Variants in PRP4K observed in about 807,000 individuals in gnomAD.
PRP4K encodes the protein pre-mRNA processing factor kinase PRP4K, also known as serine/threonine-protein kinase PRP4 homolog.
chr6:4,054,986 A>G, the PRP4K span, among the ~76,000 whole-genome samples: 3 of 152,376 alleles, frequency 2.0e-5, no homozygotes, highest in Admixed American at 6.5e-5. Context: ...TTTCACATAC[A>G]TTTAAGAAAT....
At chr6:4,045,244 A>C in the PRP4K span, among the ~76,000 whole-genome samples, 1 of 152,200 alleles carries the variant, frequency 6.6e-6, no homozygotes, top group African/African-American at 2.4e-5. Context: ...TTCACTTGCC[A>C]CAAAGTATTC....
the PRP4K span, among the ~76,000 whole-genome samples, chr6:4,021,927 C>T: frequency 6.6e-6 from 1 of 152,180 alleles, no homozygotes; most frequent in African/African-American, 2.4e-5. Context: ...TTACTGGTGT[C>T]AGTTTAGGAC....
chr6:4,039,608 A>G, the PRP4K span, among the ~76,000 whole-genome samples: 1 of 152,154 alleles, frequency 6.6e-6, no homozygotes, highest in South Asian at 2.1e-4. Flanking sequence ...ACCTCACACC[A>G]TCTTGCAGAG....
chr6:4,031,034 T>C, the PRP4K span, among the ~76,000 whole-genome samples: 1 of 152,212 alleles, frequency 6.6e-6, no homozygotes, highest in Non-Finnish European at 1.5e-5. Context: ...AGATGAAATC[T>C]GCTCAAAACA....
chr6:4,021,391 G>GCCGCCA, the PRP4K span: 22 of 1,563,522 alleles, frequency 1.4e-5, no homozygotes, highest in Admixed American at 1.9e-5. Context: ...TCCGGGAGCC[G>GCCGCCA]CCGCCACCGC....
chr6:4,048,995 A>C, the PRP4K span: 2 of 1,589,900 alleles, frequency 1.3e-6, no homozygotes, highest in East Asian at 2.2e-5. Flanking sequence ...TAAACTGTTC[A>C]TGTTGCCTCT....
the PRP4K span, among the ~76,000 whole-genome samples, chr6:4,044,960 C>G: frequency 4.0e-4 from 61 of 151,380 alleles, no homozygotes; most frequent in African/African-American, 1.4e-3. Context: ...CGTCCCAGGT[C>G]CACACCATTC....
the PRP4K span, chr6:4,021,479 T>G: frequency 6.3e-7 from 1 of 1,577,066 alleles, no homozygotes; most frequent in Non-Finnish European, 8.6e-7. Flanking sequence ...AAGTAGTCTC[T>G]GTGAGTGGGC....
chr6:4,025,332 A>G, the PRP4K span, among the ~76,000 whole-genome samples: 1 of 152,220 alleles, frequency 6.6e-6, no homozygotes, highest in Non-Finnish European at 1.5e-5. Context: ...TGATAAAGCT[A>G]ATTTAGCTGT....
the PRP4K span, chr6:4,056,617 C>T: frequency 1.9e-6 from 3 of 1,583,832 alleles, no homozygotes; most frequent in African/African-American, 1.3e-5. Flanking sequence ...GAGTCTTGAT[C>T]ATGTCGGGCA....
the PRP4K span, among the ~76,000 whole-genome samples, chr6:4,050,755 T>C: frequency 6.6e-6 from 1 of 152,184 alleles, no homozygotes; most frequent in Non-Finnish European, 1.5e-5. Flanking sequence ...AAGGACCTTG[T>C]TTTGATGGGA....
the PRP4K span, among the ~76,000 whole-genome samples, chr6:4,037,208 T>C: frequency 6.6e-6 from 1 of 152,248 alleles, no homozygotes; most frequent in African/African-American, 2.4e-5. Flanking sequence ...ATAAGACCTT[T>C]CATTGTTTGC....
chr6:4,024,353 A>G, the PRP4K span, among the ~76,000 whole-genome samples: 21 of 152,270 alleles, frequency 1.4e-4, 1 homozygote, highest in South Asian at 4.1e-3. Flanking sequence ...AGATATATAC[A>G]TTTTAACTTG....
At chr6:4,031,517 G>A in the PRP4K span, 2 of 1,340,816 alleles carry the variant, frequency 1.5e-6, no homozygotes, top group African/African-American at 1.5e-5. Context: ...TTGAATACTT[G>A]ATAAATGATA....
At chr6:4,029,927 C>G in the PRP4K span, among the ~76,000 whole-genome samples, 195 of 149,956 alleles carry the variant, frequency 1.3e-3, no homozygotes, top group African/African-American at 4.6e-3. Flanking sequence ...GTTTTGTAAT[C>G]TGTTTTCTTT....
At chr6:4,041,900 C>T in the PRP4K span, among the ~76,000 whole-genome samples, 7 of 152,236 alleles carry the variant, frequency 4.6e-5, no homozygotes, top group South Asian at 1.2e-3. Context: ...TCTTCTGCAG[C>T]GAACATTCAG....
the PRP4K span, among the ~76,000 whole-genome samples, chr6:4,055,084 A>C: frequency 6.6e-6 from 1 of 152,224 alleles, no homozygotes; most frequent in Non-Finnish European, 1.5e-5. Context: ...TTTAGCTCGT[A>C]ATTTCAGGTA....
the PRP4K span, among the ~76,000 whole-genome samples, chr6:4,030,079 A>T: frequency 6.6e-6 from 1 of 151,892 alleles, no homozygotes; most frequent in Admixed American, 6.6e-5. Flanking sequence ...AGTAACTGGG[A>T]TTATAGGCAT....
At chr6:4,037,597 A>G in the PRP4K span, 7 of 1,597,348 alleles carry the variant, frequency 4.4e-6, no homozygotes, top group South Asian at 5.6e-5. Context: ...CTTGTGATTC[A>G]TTAAACTCTG....
Sources: gnomAD v4.1 joint callset for allele counts (sites outside exome capture counted in the v4.1 genomes callset) on GRCh38, gnomAD v4.1.1 for gene constraint, MANE v1.5 for transcripts, NCBI Gene and HGNC (gene_info 2026-07-23, HGNC 2026-07-21) for gene names.